The following SCAP variants were observed in gnomAD, a reference collection of about 807,000 sequenced individuals.
SCAP encodes sterol regulatory element-binding protein cleavage-activating protein.
Under a neutral mutation model 123.6 loss-of-function variants are expected in SCAP, and 65 were observed. The observed-to-expected ratio is 0.53, with a 90% CI of 0.43 to 0.65. The LOEUF is 0.65. Ranked by LOEUF, SCAP falls within the 30% of genes least tolerant of loss-of-function variation. SCAP has a pLI of 0.00. For synonymous variants in SCAP, 740 were observed against 726.3 expected (o/e 1.02, Z -0.30); for missense variants, 1,398 against 1,712.5 (o/e 0.82, Z 3.24).
At position 47,456,621 on chromosome 3, in the gene SCAP, C is replaced by T. The variant is rs867822876; in HGVS notation, c.-98-13530G>A. Among the ~76,000 whole-genome samples, 3 of 150,882 alleles carry T rather than the reference C, an allele frequency of 2.0e-5. No homozygotes were observed. In the South Asian group the frequency reaches 6.3e-4, roughly 32 times the overall value. ...TCTCTACTAAAAATACAAAAATTAG[C>T]CAGTGTGGTGGTACACGCCTGTAGT... On this transcript the variant is annotated intron_variant, in intron 1 of 22. Transcript: ENST00000265565.
intron 3 of SCAP, among the ~76,000 whole-genome samples, chr3:47,432,308 C>T (rs1177139183): frequency 1.7e-5 from 2 of 120,116 alleles, no homozygotes; most frequent in African/African-American, 3.2e-5. Flanking sequence ...AGCAAGACTC[C>T]GTCTTGAAAA....
At chr3:47,444,483 A>AT (rs1471147715) in intron 1 of SCAP, among the ~76,000 whole-genome samples, 4 of 151,998 alleles carry the variant, frequency 2.6e-5, no homozygotes, top group East Asian at 1.9e-4. Context: ...GGAACCCTTT[A>AT]TTTTTTTTGA....
At chr3:47,462,580 C>A (rs1387701913) in intron 1 of SCAP, among the ~76,000 whole-genome samples, 2 of 151,584 alleles carry the variant, frequency 1.3e-5, no homozygotes, top group Non-Finnish European at 2.9e-5. Flanking sequence ...GGTGAAACCC[C>A]GTCTCTACTA....
intron 1 of SCAP, among the ~76,000 whole-genome samples, chr3:47,454,184 A>G (rs529239962): frequency 2.0e-5 from 3 of 151,962 alleles, no homozygotes; most frequent in Non-Finnish European, 4.4e-5. Flanking sequence ...TGGCTAACAC[A>G]GTGAAACCCT....
chr3:47,466,418 T>C (rs1462820292), intron 1 of SCAP, among the ~76,000 whole-genome samples: 3 of 152,104 alleles, frequency 2.0e-5, no homozygotes, highest in Non-Finnish European at 4.4e-5. Flanking sequence ...TTCTTGAACC[T>C]TGTTATGATG....
At chr3:47,454,779 T>A (rs1012487660) in intron 1 of SCAP, among the ~76,000 whole-genome samples, 2 of 151,588 alleles carry the variant, frequency 1.3e-5, no homozygotes, top group Non-Finnish European at 2.9e-5. Flanking sequence ...CATATATATA[T>A]AAAAAATAAA....
intron 8 of SCAP, among the ~76,000 whole-genome samples, chr3:47,424,471 C>T (rs1238643807): frequency 6.6e-6 from 1 of 152,232 alleles, no homozygotes; most frequent in Admixed American, 6.5e-5. Flanking sequence ...TGAAACCATC[C>T]TGAAGGCCCA....
At position 47,417,618 on chromosome 3, in the gene SCAP, G is replaced by T; in HGVS notation, c.2656C>A (p.Arg886=). The T allele has an allele frequency of 1.9e-6, 3 of 1,607,100 alleles. No homozygotes were observed. Among genetic ancestry groups the T allele is most frequent in the Non-Finnish European group, 2.5e-6 (3 of 1,177,740 alleles). The change falls in exon 17 of 23, where the codon CGG becomes AGG. Residue 886 remains arginine (R), a synonymous_variant. Coordinates refer to ENST00000265565, the MANE Select transcript of SCAP (RefSeq NM_012235.4). ...LIDTNFSAQP[R]SSQPTQPEPR... is the part of the protein sequence containing the mutation. Reference sequence around the variant, plus strand: ...TCGGGCTGAGTGGGCTGTGAGGACCGAGGCTGCGCTGAAAAGTTGGTGTCA... The same window carrying T: ...TCGGGCTGAGTGGGCTGTGAGGACCTAGGCTGCGCTGAAAAGTTGGTGTCA...
chr3:47,434,075 A>T (rs1039653955), intron 3 of SCAP, among the ~76,000 whole-genome samples: 1 of 152,180 alleles, frequency 6.6e-6, no homozygotes, highest in Non-Finnish European at 1.5e-5. Context: ...CTCCCCACTG[A>T]CACCATGTAT....
intron 1 of SCAP, among the ~76,000 whole-genome samples, chr3:47,457,102 T>C (rs1252666598): frequency 6.6e-6 from 1 of 152,156 alleles, no homozygotes; most frequent in Non-Finnish European, 1.5e-5. Context: ...CCTACTTTCA[T>C]GTAAGAGAAC....
intron 9 of SCAP, 106 bp downstream of exon 9, chr3:47,423,827 G>C: frequency 1.2e-6 from 1 of 806,036 alleles, no homozygotes; most frequent in Non-Finnish European, 2.1e-6. Flanking sequence ...CAAGAGCAAG[G>C]GACATTTCAA....
chr3:47,440,858 C>G (rs1190461576), intron 2 of SCAP, among the ~76,000 whole-genome samples: 1 of 151,690 alleles, frequency 6.6e-6, no homozygotes, highest in Non-Finnish European at 1.5e-5. Context: ...GAGACCCTGT[C>G]TCAAGGAAGA....
chr3:47,426,788 A>G (rs575829749), intron 6 of SCAP, among the ~76,000 whole-genome samples: 2 of 152,260 alleles, frequency 1.3e-5, no homozygotes, highest in Admixed American at 1.3e-4. Context: ...AAGCACCTCG[A>G]GTGCCCTTGC....
At chr3:47,455,123 A>T (rs1707372225) in intron 1 of SCAP, among the ~76,000 whole-genome samples, 1 of 148,856 alleles carries the variant, frequency 6.7e-6, no homozygotes, top group African/African-American at 2.4e-5. Flanking sequence ...TACAGTTGAT[A>T]AAAGAATCAC....
rs1466420024 is a variant in SCAP at position 47,443,266 on chromosome 3, ACACACACACACT to A, written c.-98-187_-98-176del. On this transcript the variant is annotated intron_variant, in intron 1 of 22. Coordinates refer to ENST00000265565, the MANE Select transcript of SCAP (RefSeq NM_012235.4). ...CACACACACACACACACACACACACACACACACACACTCTCTCTCTCTCTCTCTCTCTCTCTC... is the reference window on the plus strand; with the variant it reads ...CACACACACACACACACACACACACACTCTCTCTCTCTCTCTCTCTCTCTC... 928 of 195,980 alleles carry A rather than the reference ACACACACACACT, an allele frequency of 4.7e-3. 2 individuals are homozygous for A. Among genetic ancestry groups the A allele is most frequent in the East Asian group, 0.017 (152 of 9,136 alleles). 12.1% of individuals were successfully genotyped at this position (195,980 alleles called of 1,614,324 possible). A position where few individuals can be genotyped will look rare whatever the true frequency, so the allele number is the denominator to read the frequency against.
At chr3:47,475,309 T>TA (rs1708224349) in intron 1 of SCAP, 1 of 152,158 alleles carries the variant, frequency 6.6e-6, no homozygotes, top group African/African-American at 2.4e-5. Context: ...GAAGCAACAT[T>TA]AGTGAGCAAA....
chr3:47,460,978 T>C (rs1202043731), intron 1 of SCAP, among the ~76,000 whole-genome samples: 1 of 152,142 alleles, frequency 6.6e-6, no homozygotes, highest in East Asian at 1.9e-4. Flanking sequence ...GGGCCCCTTT[T>C]CCTTGGGGTG....
chr3:47,468,189 T>G (rs969255419), intron 1 of SCAP, among the ~76,000 whole-genome samples: 2 of 152,236 alleles, frequency 1.3e-5, no homozygotes, highest in African/African-American at 4.8e-5. Context: ...TACGTGTGCA[T>G]GTGCCTTTAT....
intron 18 of SCAP, among the ~76,000 whole-genome samples, chr3:47,415,940 C>T (rs1174014500): frequency 1.3e-5 from 2 of 152,200 alleles, no homozygotes; most frequent in African/African-American, 4.8e-5. Flanking sequence ...AAAGCTAAAA[C>T]AAGCAGCAAA....
Sources: allele counts gnomAD v4.1 joint callset (sites outside exome capture counted in the v4.1 genomes callset), GRCh38; gene constraint gnomAD v4.1.1; transcripts MANE v1.5; gene names NCBI Gene and HGNC (gene_info 2026-07-23, HGNC 2026-07-21).